Variants in TRIM6 observed in about 807,000 individuals in gnomAD.
TRIM6 encodes the protein tripartite motif containing 6.
A neutral mutation model predicts 51.2 loss-of-function variants in TRIM6; 43 were observed. That is an observed-to-expected ratio of 0.84 (90% CI 0.66 to 1.08). The LOEUF (loss-of-function observed/expected upper bound fraction) is 1.08, where lower values mean the gene tolerates loss of function less well. Ranked by LOEUF, TRIM6 falls within the 50% of genes least tolerant of loss-of-function variation. The pLI, the probability that TRIM6 is intolerant of heterozygous loss-of-function variation, is 0.00. For synonymous variants in TRIM6, 215 were observed against 232.4 expected (o/e 0.93, Z 0.68); for missense variants, 669 against 619.0 (o/e 1.08, Z -0.86).
chr11:5,596,822 G>T lies in TRIM6; in HGVS notation c.-76G>T. Reference sequence around the variant, plus strand: ...CTGTTCCTTAAGATTAGTTTAAGGTGCCTTGGATTGCTCTGAAGAGCTTTG... The same window carrying T: ...CTGTTCCTTAAGATTAGTTTAAGGTTCCTTGGATTGCTCTGAAGAGCTTTG... On this transcript the variant is annotated 5_prime_UTR_variant, in exon 1 of 8. Coordinates refer to ENST00000380097, the MANE Select transcript of TRIM6 (RefSeq NM_001003818.3). The T allele has an allele frequency of 1.2e-6, 2 of 1,611,716 alleles. No individual in the cohort carries two copies. The highest frequency in any genetic ancestry group is 1.7e-6 in the Non-Finnish European group (2 of 1,178,460).
At chr11:5,600,606 GTTTGATATAC>G (rs1384676968) in intron 1 of TRIM6, among the ~76,000 whole-genome samples, 1 of 152,194 alleles carries the variant, frequency 6.6e-6, no homozygotes, top group African/African-American at 2.4e-5. Context: ...TTGGGAGGCA[GTTTGATATAC>G]TTTTTAAATC....
At position 5,603,395 on chromosome 11, in the gene TRIM6, T is replaced by C. The variant is rs904616670; in HGVS notation, c.167T>C (p.Ile56Thr). 6.2e-7 allele frequency: 1 copy of C among 1,613,988 alleles called. No individual in the cohort carries two copies. ...GAGCTCCTAACAGAACCCCTGAGCA[T>C]AGACTGTGGCCACAGCTTCTGCCAA... Reference protein sequence around the residue: ...CLELLTEPLSIDCGHSFCQAC... With the variant: ...CLELLTEPLSTDCGHSFCQAC... Residue 56 changes from isoleucine (I) to threonine (T), a missense_variant, in exon 2 of 8, where the codon ATA (isoleucine) becomes ACA (threonine). By Grantham distance (89) the Ile-to-Thr change is moderately conservative. Coordinates refer to ENST00000380097, the MANE Select transcript of TRIM6 (RefSeq NM_001003818.3).
chr11:5,605,610 G>A, intron 4 of TRIM6, 43 bp downstream of exon 4: 1 of 1,564,824 alleles, frequency 6.4e-7, no homozygotes, highest in Non-Finnish European at 8.6e-7. Flanking sequence ...TCAAGGAAAA[G>A]AGAAACTAAC....
intron 6 of TRIM6, 104 bp from the exon 7 acceptor site, chr11:5,610,431 C>T: frequency 6.2e-7 from 1 of 1,602,244 alleles, no homozygotes. Flanking sequence ...AGGTGACATC[C>T]TCACAGGATT....
In TRIM6 at chr11:5,611,237, C is replaced by T; in HGVS notation, c.1446C>T (p.Phe482=). 1 of 1,614,024 alleles carries T rather than the reference C, an allele frequency of 6.2e-7. No individual in the cohort carries two copies. The change falls in exon 8 of 8, where the codon TTC becomes TTT. Residue 482 remains phenylalanine (F), a synonymous_variant. Coordinates refer to ENST00000380097, the MANE Select transcript of TRIM6 (RefSeq NM_001003818.3). ...TTTATAATGTCACAAACCATGGCTT[C>T]CCCATCTACACTTTCTCTAAATATT... ...VSFYNVTNHG[F]PIYTFSKYYF...
intron 1 of TRIM6, among the ~76,000 whole-genome samples, chr11:5,600,868 A>G (rs1400482683): frequency 6.6e-6 from 1 of 152,114 alleles, no homozygotes; most frequent in Non-Finnish European, 1.5e-5. Context: ...TGGTGGCCCA[A>G]ACACAACTCC....
chr11:5,609,922 CA>C (rs5789416), intron 5 of TRIM6, among the ~76,000 whole-genome samples: 428 of 149,244 alleles, frequency 2.9e-3, no homozygotes, highest in African/African-American at 9.8e-3. Context: ...GACTCCTTCT[CA>C]AAAAAAAAAG....
chr11:5,603,125 G>T, intron 1 of TRIM6, 121 bp from the exon 2 acceptor site: 1 of 1,478,036 alleles, frequency 6.8e-7, no homozygotes. Context: ...TTGGATATGA[G>T]AATGAGAAGC....
chr11:5,598,812 T>A (rs1847641106), intron 1 of TRIM6, among the ~76,000 whole-genome samples: 1 of 152,216 alleles, frequency 6.6e-6, no homozygotes. Flanking sequence ...TTTATTGAGT[T>A]CTATCTAGTA....
Position 5,603,724 on chromosome 11 carries a change from C to G in TRIM6, c.496C>G (p.Gln166Glu), listed in dbSNP as rs1450003089. ...HHTFLVEEVA[Q>E]EYQEKFQESL... The stretch of plus-strand genomic sequence containing the variant: ...CACGTTCCTCGTGGAGGAGGTTGCC[C>G]AGGAGTACCAGGTGAGACCCCAGGA... Residue 166 changes from glutamine to glutamate, a missense_variant, in exon 2 of 8, where the codon CAG (glutamine) becomes GAG (glutamate). Coordinates refer to ENST00000380097, the MANE Select transcript of TRIM6 (RefSeq NM_001003818.3). The G allele has an allele frequency of 1.2e-6, 2 of 1,613,192 alleles. No individual in the cohort carries two copies. The highest frequency in any genetic ancestry group is 1.3e-5 in the African/African-American group (1 of 74,788).
Position 5,603,482 on chromosome 11 carries a change from C to T in TRIM6, c.254C>T (p.Pro85Leu), listed in dbSNP as rs1847994230. ...VIGQEGERSC[P>L]VCQTSYQPGN... The stretch of plus-strand genomic sequence containing the variant: ...GGTCAAGAAGGGGAAAGAAGCTGCC[C>T]TGTGTGCCAGACCAGCTACCAGCCA... Residue 85 changes from proline to leucine, a missense_variant, in exon 2 of 8, where the codon CCT becomes CTT. Physicochemically the swap from Pro to Leu is moderately conservative, Grantham distance 98. Transcript: ENST00000380097. 2 of 1,614,082 alleles carry T rather than the reference C, an allele frequency of 1.2e-6. No individual in the cohort carries two copies. The highest frequency in any genetic ancestry group is 1.7e-6 in the Non-Finnish European group (2 of 1,180,018).
chr11:5,598,074 T>A (rs959927990), intron 1 of TRIM6, among the ~76,000 whole-genome samples: 1 of 152,202 alleles, frequency 6.6e-6, no homozygotes, highest in East Asian at 1.9e-4. Context: ...ATTTGGGCTC[T>A]TTCTTCTGCT....
intron 2 of TRIM6, 139 bp from the exon 3 acceptor site, chr11:5,604,395 T>C (rs1323017431): frequency 7.1e-6 from 6 of 847,580 alleles, no homozygotes; most frequent in African/African-American, 7.0e-5. Flanking sequence ...AAAAGATTTG[T>C]TGGCCCTCTC....
intron 1 of TRIM6, 89 bp downstream of exon 1, chr11:5,597,003 G>C: frequency 6.3e-7 from 1 of 1,598,620 alleles, no homozygotes; most frequent in Non-Finnish European, 8.5e-7. Flanking sequence ...TTTCCCTTTC[G>C]GAACTCATTA....
At chr11:5,608,250 G>T in intron 4 of TRIM6, 122 bp from the exon 5 acceptor site, 2 of 1,426,924 alleles carry the variant, frequency 1.4e-6, no homozygotes, top group Admixed American at 2.3e-5. Flanking sequence ...TCTACTTTGT[G>T]GCCTCCACAT....
In TRIM6 at chr11:5,611,605, C is replaced by T. The variant is rs943509263; in HGVS notation, c.*263C>T. On this transcript the variant is annotated 3_prime_UTR_variant, in exon 8 of 8. Coordinates refer to ENST00000380097, the MANE Select transcript of TRIM6 (RefSeq NM_001003818.3). ...AGTAGCTGGGATTACAGGCACCCACCACCATGCCCAACTAATTTTTGTATT... is the reference window on the plus strand; with the variant it reads ...AGTAGCTGGGATTACAGGCACCCACTACCATGCCCAACTAATTTTTGTATT... 1.0e-5 allele frequency: 4 copies of T among 381,050 alleles called. No individual in the cohort carries two copies. In the Admixed American group the frequency reaches 1.3e-4, roughly 12 times the overall value. 23.6% of individuals were successfully genotyped at this position (381,050 alleles called of 1,614,324 possible).
rs2060948617 is a variant in TRIM6 at position 5,596,832 on chromosome 11, GC to G, written c.-65del. ...AGATTAGTTTAAGGTGCCTTGGATT[GC>G]TCTGAAGAGCTTTGACCACCTGATA... is the stretch of plus-strand genomic sequence containing the variant. On this transcript the variant is annotated 5_prime_UTR_variant, in exon 1 of 8. Coordinates refer to ENST00000380097, the MANE Select transcript of TRIM6 (RefSeq NM_001003818.3). The G allele has an allele frequency of 3.1e-6, 5 of 1,612,318 alleles. No homozygotes were observed. In the East Asian group the frequency reaches 1.1e-4, roughly 36 times the overall value.
intron 4 of TRIM6, among the ~76,000 whole-genome samples, chr11:5,607,161 A>G (rs886151066): frequency 1.1e-4 from 17 of 152,184 alleles, no homozygotes; most frequent in Admixed American, 2.0e-4. Flanking sequence ...CCGAGATCGC[A>G]CCACTGCACT....
Position 5,605,535 on chromosome 11 carries a change from C to T in TRIM6, c.802C>T (p.Arg268Ter), listed in dbSNP as rs546872163. The change falls in exon 4 of 8, where the codon CGA becomes TGA. Residue 268 changes from arginine (R) to a stop codon, truncating the protein, a stop_gained. Coordinates refer to ENST00000380097, the MANE Select transcript of TRIM6 (RefSeq NM_001003818.3). LOFTEE classifies it high-confidence loss of function. ...AGAGCTCATCTCGGATCTGGAGCGTCGATGTCAGGGGTCAACAATGGAGCT... is the reference window on the plus strand; with the variant it reads ...AGAGCTCATCTCGGATCTGGAGCGTTGATGTCAGGGGTCAACAATGGAGCT... ...LRELISDLER[R>*]CQGSTMELLQ... 33 of 1,613,844 alleles carry T rather than the reference C, an allele frequency of 2.0e-5. No individual in the cohort carries two copies. The East Asian group carries it at 3.8e-4, about 19-fold the overall frequency.
Sources: gnomAD v4.1 joint callset for allele counts (sites outside exome capture counted in the v4.1 genomes callset) on GRCh38, gnomAD v4.1.1 for gene constraint, MANE v1.5 for transcripts, NCBI Gene and HGNC (gene_info 2026-07-23, HGNC 2026-07-21) for gene names.